The following MSRA variants were observed in gnomAD, a reference collection of about 807,000 sequenced individuals.
MSRA encodes mitochondrial peptide methionine sulfoxide reductase.
MSRA carries 54 observed loss-of-function variants against 31.3 expected under a neutral mutation model. The ratio of observed to expected loss-of-function variants is 1.73; its 90% CI spans 1.39 to 2.17. The LOEUF (loss-of-function observed/expected upper bound fraction) is 2.17, where lower values mean the gene tolerates loss of function less well. Ranked by LOEUF, MSRA falls within the 30% of genes most tolerant of loss-of-function variation. MSRA has a pLI of 0.00. For missense variants in MSRA, 507 were observed against 300.9 expected (o/e 1.69, Z -5.07); for synonymous variants, 169 against 116.5 (o/e 1.45, Z -2.90).
rs1370108863 is a variant in MSRA, at chr8:10,072,511, A to G, written c.142+17853A>G. Among the ~76,000 whole-genome samples the G allele has an allele frequency of 2.6e-5, 4 of 152,208 alleles. No individual in the cohort carries two copies. The South Asian group carries it at 8.3e-4, about 32-fold the overall frequency. On this transcript the variant is annotated intron_variant, in intron 1 of 5. Coordinates refer to ENST00000317173, the MANE Select transcript of MSRA (RefSeq NM_012331.5). ...TCATGCTGTCTTGGTTATGATGGTTATATCGCAGGCCTTAATATTAGAGTC... is the reference window on the plus strand; with the variant it reads ...TCATGCTGTCTTGGTTATGATGGTTGTATCGCAGGCCTTAATATTAGAGTC...
intron 1 of MSRA, among the ~76,000 whole-genome samples, chr8:10,152,701 A>T (rs894966422): frequency 6.6e-6 from 1 of 152,212 alleles, no homozygotes; most frequent in Non-Finnish European, 1.5e-5. Flanking sequence ...GGAGGTTGTT[A>T]AAAATGAGTA....
chr8:10,201,324 C>A (rs1427973285), intron 1 of MSRA, among the ~76,000 whole-genome samples: 1 of 152,124 alleles, frequency 6.6e-6, no homozygotes, highest in Non-Finnish European at 1.5e-5. Flanking sequence ...GATTGTACTT[C>A]TTGATGACCG....
At chr8:10,130,090 T>C (rs1801789751) in intron 1 of MSRA, among the ~76,000 whole-genome samples, 1 of 152,170 alleles carries the variant, frequency 6.6e-6, no homozygotes, top group African/African-American at 2.4e-5. Flanking sequence ...CTGGTCATCT[T>C]AATGACTGGG....
chr8:10,184,321 C>T (rs768031687), intron 1 of MSRA, among the ~76,000 whole-genome samples: 1 of 151,836 alleles, frequency 6.6e-6, no homozygotes, highest in Non-Finnish European at 1.5e-5. Context: ...CCCACTCTTA[C>T]CCTCTAAGCC....
chr8:10,331,411 G>A (rs1802692976), intron 5 of MSRA, among the ~76,000 whole-genome samples: 1 of 152,146 alleles, frequency 6.6e-6, no homozygotes, highest in Admixed American at 6.5e-5. Context: ...AATGTTGTAC[G>A]GCTTTTCGGT....
chr8:10,228,293 G>T, intron 2 of MSRA, among the ~76,000 whole-genome samples: 1 of 152,150 alleles, frequency 6.6e-6, no homozygotes, highest in East Asian at 1.9e-4. Context: ...CCTTTGAAGA[G>T]GCCAGGGAGC....
intron 1 of MSRA, among the ~76,000 whole-genome samples, chr8:10,064,610 C>A (rs1797366730): frequency 6.6e-6 from 1 of 152,062 alleles, no homozygotes; most frequent in South Asian, 2.1e-4. Flanking sequence ...GATGTCTTCC[C>A]AGAGCATGTT....
intron 3 of MSRA, among the ~76,000 whole-genome samples, chr8:10,284,859 T>C (rs182936745): frequency 1.3e-5 from 2 of 152,258 alleles, no homozygotes; most frequent in East Asian, 3.9e-4. Flanking sequence ...GTAAACCACT[T>C]ATAGTTGTGC....
At chr8:10,259,780 T>C (rs561253346) in intron 3 of MSRA, among the ~76,000 whole-genome samples, 1 of 152,312 alleles carries the variant, frequency 6.6e-6, no homozygotes. Flanking sequence ...GGACCTCAGC[T>C]TCCCTGCACC....
chr8:10,287,146 C>T (rs1427783380), intron 3 of MSRA, among the ~76,000 whole-genome samples: 2 of 152,086 alleles, frequency 1.3e-5, no homozygotes, highest in East Asian at 1.9e-4. Flanking sequence ...AAAAGATTCC[C>T]AATATCAATC....
intron 5 of MSRA, among the ~76,000 whole-genome samples, chr8:10,414,352 C>A (rs1474458064): frequency 6.6e-6 from 1 of 152,184 alleles, no homozygotes; most frequent in African/African-American, 2.4e-5. Context: ...AACTGAGACC[C>A]AGATGAGTGA....
At chr8:10,398,942 G>C (rs1379076294) in intron 5 of MSRA, among the ~76,000 whole-genome samples, 1 of 152,204 alleles carries the variant, frequency 6.6e-6, no homozygotes, top group Non-Finnish European at 1.5e-5. Flanking sequence ...TATCGAGAGA[G>C]GCAGATGCAG....
intron 5 of MSRA, among the ~76,000 whole-genome samples, chr8:10,348,357 CTTTTT>C (rs34083972): frequency 1.6e-5 from 1 of 64,272 alleles, no homozygotes; most frequent in African/African-American, 6.6e-5. Flanking sequence ...AAATTATTGC[CTTTTT>C]TTTTTTTTTT....
At chr8:10,297,065 C>T (rs1366399899) in intron 3 of MSRA, among the ~76,000 whole-genome samples, 2 of 152,168 alleles carry the variant, frequency 1.3e-5, no homozygotes, top group African/African-American at 2.4e-5. Context: ...GGACTGTAAA[C>T]ATTGGTTGAC....
chr8:10,238,143 G>T lies in MSRA; in HGVS notation c.212-6961G>T, dbSNP rs145841492. Among the ~76,000 whole-genome samples, 140 of 152,144 alleles carry T rather than the reference G, an allele frequency of 9.2e-4. 2 individuals carry two copies. The East Asian group carries it at 0.024, about 26-fold the overall frequency. ...CTCAAGCCACACTGGCTTCCTTCCT[G>T]CCCCTTAGAAATAGCAGGCACATTC... On this transcript the variant is annotated intron_variant, in intron 2 of 5. Transcript: ENST00000317173.
At chr8:10,054,718 G>C (rs1802213574) in intron 1 of MSRA, 60 bp downstream of exon 1, 3 of 1,397,012 alleles carry the variant, frequency 2.1e-6, no homozygotes, top group Non-Finnish European at 2.8e-6. Flanking sequence ...GCCTTTGCCC[G>C]GCGGCAGCGC....
rs973313344 is a variant in MSRA, at chr8:10,068,768, C to T, written c.142+14110C>T. On this transcript the variant is annotated intron_variant, in intron 1 of 5. Transcript: ENST00000317173. ...TATTGAGTTAGCTATTCTTTTTTTCCCCCTTTCCATATAAAGTTTAGAATC... is the reference window on the plus strand; with the variant it reads ...TATTGAGTTAGCTATTCTTTTTTTCTCCCTTTCCATATAAAGTTTAGAATC... Among the ~76,000 whole-genome samples the T allele has an allele frequency of 7.2e-5, 11 of 151,922 alleles. No homozygotes were observed. In the South Asian group the frequency reaches 2.3e-3, roughly 31 times the overall value.
chr8:10,218,254 C>A (rs181288121), intron 2 of MSRA, among the ~76,000 whole-genome samples: 42 of 152,026 alleles, frequency 2.8e-4, no homozygotes, highest in African/African-American at 7.5e-4. Flanking sequence ...TCAAGCGATT[C>A]TTTTCCTCAG....
intron 1 of MSRA, among the ~76,000 whole-genome samples, chr8:10,143,656 C>A (rs1403018296): frequency 6.6e-6 from 1 of 152,106 alleles, no homozygotes; most frequent in Admixed American, 6.5e-5. Flanking sequence ...GCAAGGAAAT[C>A]AGGGCTCCTT....
Sources: gnomAD v4.1 joint callset for allele counts (sites outside exome capture counted in the v4.1 genomes callset) on GRCh38, gnomAD v4.1.1 for gene constraint, MANE v1.5 for transcripts, NCBI Gene and HGNC (gene_info 2026-07-23, HGNC 2026-07-21) for gene names.